ITPK1: variants seen among roughly 807,000 people sequenced by gnomAD.
ITPK1 encodes inositol 1,3,4-trisphosphate 5/6-kinase.
A neutral mutation model predicts 45.3 loss-of-function variants in ITPK1; 21 were observed. That is an observed-to-expected ratio of 0.46 (90% CI 0.33 to 0.67). The LOEUF is 0.67. Ranked by LOEUF, ITPK1 falls within the 30% of genes least tolerant of loss-of-function variation. The probability of loss-of-function intolerance (pLI) is 0.02; values close to 1 mark genes in which losing one functional copy is unlikely to be tolerated. For synonymous variants in ITPK1, 258 were observed against 253.6 expected, an observed-to-expected ratio of 1.02 and a Z score of -0.16; for missense variants, 474 against 573.5, an observed-to-expected ratio of 0.83 and a Z score of 1.77.
At chr14:93,041,640 C>T (rs1406133511) in intron 3 of ITPK1, among the ~76,000 whole-genome samples, 1 of 152,228 alleles carries the variant, frequency 6.6e-6, no homozygotes, top group Non-Finnish European at 1.5e-5. Context: ...CACACCCGGG[C>T]ACACAGGGCT....
At chr14:92,990,328 G>A (rs921116414) in intron 5 of ITPK1, among the ~76,000 whole-genome samples, 1 of 152,100 alleles carries the variant, frequency 6.6e-6, no homozygotes, top group Non-Finnish European at 1.5e-5. Context: ...GTGAGGGCTG[G>A]AAATACAGCC....
chr14:92,946,572 A>G, intron 9 of ITPK1, 79 bp from the exon 10 acceptor site: 1 of 1,365,520 alleles, frequency 7.3e-7, no homozygotes, highest in Non-Finnish European at 1.0e-6. Flanking sequence ...CCCCCACACC[A>G]GCTGCCACGA....
intron 2 of ITPK1, among the ~76,000 whole-genome samples, chr14:93,084,730 GGCA>G (rs549373062): frequency 2.6e-5 from 4 of 152,270 alleles, no homozygotes; most frequent in African/African-American, 9.6e-5. Context: ...ACGAGGGGGA[GGCA>G]GCAGCAGCCT....
intron 5 of ITPK1, among the ~76,000 whole-genome samples, chr14:92,977,644 T>C (rs1208827275): frequency 6.6e-6 from 1 of 150,444 alleles, no homozygotes; most frequent in Non-Finnish European, 1.5e-5. Context: ...TCTGGTTGCT[T>C]AAAAGGGTGT....
At chr14:92,980,264 C>G (rs185993261) in intron 5 of ITPK1, among the ~76,000 whole-genome samples, 4 of 152,316 alleles carry the variant, frequency 2.6e-5, no homozygotes, top group Admixed American at 2.6e-4. Context: ...AAAGAGAACA[C>G]CACCCAGCCC....
intron 3 of ITPK1, among the ~76,000 whole-genome samples, chr14:93,046,846 C>T (rs868281869): frequency 6.6e-6 from 1 of 152,214 alleles, no homozygotes; most frequent in Non-Finnish European, 1.5e-5. Flanking sequence ...AAGCTCTGCT[C>T]GGTGGAACTC....
At chr14:92,984,475 AACTT>A (rs780124126) in intron 5 of ITPK1, among the ~76,000 whole-genome samples, 7 of 152,210 alleles carry the variant, frequency 4.6e-5, no homozygotes, top group Non-Finnish European at 7.3e-5. Context: ...GATATTTCAC[AACTT>A]ACTTAGGATT....
At chr14:93,022,296 C>A (rs1160711548) in intron 3 of ITPK1, among the ~76,000 whole-genome samples, 6 of 152,184 alleles carry the variant, frequency 3.9e-5, no homozygotes, top group Non-Finnish European at 8.8e-5. Context: ...TCACTGACAA[C>A]ATATTGACAA....
rs181103298 is a variant in ITPK1, at chr14:93,065,975, T to C, written c.120+10620A>G. On this transcript the variant is annotated intron_variant, in intron 3 of 10. Coordinates refer to ENST00000267615, the MANE Select transcript of ITPK1 (RefSeq NM_014216.6). ...AAGCCTAACCTGAATGCACATCATA[T>C]AGAAAAAGGAGCATATTTTATGTAA... Among the ~76,000 whole-genome samples the C allele has an allele frequency of 6.6e-5, 10 of 152,340 alleles. No homozygotes were observed. The East Asian group carries it at 1.9e-3, about 29-fold the overall frequency.
Position 93,076,735 on chromosome 14 carries a change from G to C in ITPK1, c.96-116C>G. 8.2e-7 allele frequency: 1 copy of C among 1,218,592 alleles called. No individual in the cohort carries two copies. The highest frequency in any genetic ancestry group is 1.2e-5 in the South Asian group (1 of 80,698). The allele number at this position is 1,218,592 out of a possible 1,614,324, so 75.5% of individuals were successfully genotyped here. A position where few individuals can be genotyped will look rare whatever the true frequency, so the allele number is the denominator to read the frequency against. ...CATGAGAGGGTTTCAGGAGGGAGCC[G>C]GCAGCTGCGCCTCTCCTGCTACTGT... On this transcript the variant is annotated intron_variant, in intron 2 of 10. Transcript: ENST00000267615. The surrounding 1 kb of genome is among the most constrained non-coding windows in gnomAD (Gnocchi z 4.3).
intron 3 of ITPK1, among the ~76,000 whole-genome samples, chr14:93,017,423 T>C (rs1300295180): frequency 6.6e-6 from 1 of 152,242 alleles, no homozygotes; most frequent in Non-Finnish European, 1.5e-5. Context: ...TGTTCCATAC[T>C]GCTCTCCTGC....
At chr14:93,015,867 G>C (rs965501128) in intron 4 of ITPK1, among the ~76,000 whole-genome samples, 1 of 152,198 alleles carries the variant, frequency 6.6e-6, no homozygotes, top group Admixed American at 6.5e-5. Flanking sequence ...GATTCCCTTT[G>C]TCCTGGTGAA....
chr14:93,004,635 C>CGTGT (rs1887523166), intron 4 of ITPK1, among the ~76,000 whole-genome samples: 1 of 151,688 alleles, frequency 6.6e-6, no homozygotes, highest in Non-Finnish European at 1.5e-5. Context: ...TGTGTGCGTG[C>CGTGT]GTGTGTGGTG....
At chr14:93,031,381 G>C (rs1313824689) in intron 3 of ITPK1, among the ~76,000 whole-genome samples, 1 of 152,234 alleles carries the variant, frequency 6.6e-6, no homozygotes, top group Non-Finnish European at 1.5e-5. Context: ...CCTTTGGAGA[G>C]ACCGCTGTGG....
At chr14:93,055,938 C>A (rs1890199740) in intron 3 of ITPK1, among the ~76,000 whole-genome samples, 1 of 152,100 alleles carries the variant, frequency 6.6e-6, no homozygotes, top group Non-Finnish European at 1.5e-5. Flanking sequence ...GCCGGGGCAC[C>A]CAGTGAGGTC....
chr14:92,991,496 G>A (rs188869253), intron 5 of ITPK1, among the ~76,000 whole-genome samples: 100 of 133,224 alleles, frequency 7.5e-4, no homozygotes, highest in African/African-American at 2.3e-3. Context: ...TGTTGAGGAC[G>A]GGGCCCTCTC....
At chr14:92,947,212 C>G (rs1887732645) in intron 9 of ITPK1, among the ~76,000 whole-genome samples, 1 of 152,256 alleles carries the variant, frequency 6.6e-6, no homozygotes, top group African/African-American at 2.4e-5. Context: ...TGAACTCACA[C>G]CCTAAACAAT....
At position 92,958,778 on chromosome 14, in the gene ITPK1, G is replaced by C. The variant is rs1035389606; in HGVS notation, c.505-412C>G. 6.6e-6 allele frequency among the ~76,000 whole-genome samples: 1 copy of C among 152,192 alleles called. No homozygotes were observed. Among genetic ancestry groups the C allele is most frequent in the African/African-American group, 2.4e-5 (1 of 41,426 alleles). ...AAGGAAGCAGATGACTCGGGCGCAG[G>C]AGTCAGGAGGCCTTGGGTCAAAGCC... On this transcript the variant is annotated intron_variant, in intron 7 of 10. Coordinates refer to ENST00000267615, the MANE Select transcript of ITPK1 (RefSeq NM_014216.6). The surrounding 1 kb of genome is among the most constrained non-coding windows in gnomAD (Gnocchi z 4.4).
At chr14:93,027,811 C>T (rs1309244627) in intron 3 of ITPK1, among the ~76,000 whole-genome samples, 1 of 152,198 alleles carries the variant, frequency 6.6e-6, no homozygotes, top group African/African-American at 2.4e-5. Flanking sequence ...CACCCAGGGC[C>T]ACCTGACCCA....
Sources: gnomAD v4.1 joint callset for allele counts (sites outside exome capture counted in the v4.1 genomes callset) on GRCh38, gnomAD v4.1.1 for gene constraint, Gnocchi (gnomAD v3.1) non-coding constraint, MANE v1.5 for transcripts, NCBI Gene and HGNC (gene_info 2026-07-23, HGNC 2026-07-21) for gene names.